Variants in DUSP22 observed in about 807,000 individuals in gnomAD.
DUSP22 encodes the protein dual specificity phosphatase 22.
In DUSP22, 24 loss-of-function variants were observed where a neutral mutation model predicts 24.5. The ratio of observed to expected loss-of-function variants is 0.98; its 90% CI spans 0.71 to 1.38. The LOEUF (loss-of-function observed/expected upper bound fraction) is 1.38, where lower values mean the gene tolerates loss of function less well. Ranked by LOEUF, DUSP22 falls within the 40% of genes most tolerant of loss-of-function variation. The probability of loss-of-function intolerance (pLI) is 0.00; values close to 1 mark genes in which losing one functional copy is unlikely to be tolerated. For missense variants in DUSP22, 330 were observed against 269.2 expected (o/e 1.23, Z -1.58); for synonymous variants, 160 against 106.4 (o/e 1.50, Z -3.10).
At chr6:307,237 G>A (rs878857034) in intron 2 of DUSP22, among the ~76,000 whole-genome samples, 4 of 152,414 alleles carry the variant, frequency 2.6e-5, no homozygotes, top group South Asian at 2.1e-4. Flanking sequence ...AGAAAGGAAC[G>A]TAAACAGTCA....
In DUSP22 at chr6:348,918, G is replaced by A. The variant is rs762046230; in HGVS notation, c.585G>A (p.Pro195=). Residue 195 remains proline, a synonymous_variant, in exon 7 of 7, where the codon CCG becomes CCA. Coordinates refer to ENST00000419235, the MANE Select transcript of DUSP22 (RefSeq NM_001286555.3). ...GGAGCAGTTTTCCGGCACTGGCTCC[G>A]CTGACCTACGATAATTATACGACGG... The part of the protein sequence containing the change: ...RRWSSFPALA[P]LTYDNYTTET 8.1e-6 allele frequency: 13 copies of A among 1,611,416 alleles called. No homozygotes were observed. Among genetic ancestry groups the A allele is most frequent in the African/African-American group, 5.3e-5 (4 of 74,916 alleles).
intron 1 of DUSP22, among the ~76,000 whole-genome samples, chr6:302,765 TG>T (rs1757642898): frequency 6.6e-6 from 1 of 152,304 alleles, no homozygotes; most frequent in African/African-American, 2.4e-5. Flanking sequence ...TCCTGACACT[TG>T]GTTAAGCCAG....
chr6:294,093 A>G (rs1319483479), intron 1 of DUSP22, among the ~76,000 whole-genome samples: 1 of 152,296 alleles, frequency 6.6e-6, no homozygotes, highest in Non-Finnish European at 1.5e-5. Flanking sequence ...GTGTAATACA[A>G]TTCAAAAAAT....
At position 349,441 on chromosome 6, in the gene DUSP22, G is replaced by A; in HGVS notation, c.*490G>A. 9.9e-7 allele frequency: 1 copy of A among 1,007,648 alleles called. No individual in the cohort carries two copies. Among genetic ancestry groups the A allele is most frequent in the East Asian group, 1.1e-4 (1 of 9,490 alleles). The allele number at this position is 1,007,648 out of a possible 1,614,324, so 62.4% of individuals were successfully genotyped here. Reference sequence around the variant, plus strand: ...CTTTGTCCAAGACTCCACATGGAAGGCATTTGAGCTCGACCTCCGAAAAGC... The same window carrying A: ...CTTTGTCCAAGACTCCACATGGAAGACATTTGAGCTCGACCTCCGAAAAGC... On this transcript the variant is annotated 3_prime_UTR_variant, in exon 7 of 7. Coordinates refer to ENST00000419235, the MANE Select transcript of DUSP22 (RefSeq NM_001286555.3).
intron 1 of DUSP22, among the ~76,000 whole-genome samples, chr6:297,273 T>C (rs992920924): frequency 1.3e-5 from 2 of 152,304 alleles, no homozygotes; most frequent in Non-Finnish European, 2.9e-5. Context: ...CTTCCCCAAT[T>C]ACTAATTGGG....
chr6:343,165 C>A (rs1759689704), intron 4 of DUSP22, among the ~76,000 whole-genome samples: 2 of 152,308 alleles, frequency 1.3e-5, no homozygotes, highest in Admixed American at 6.5e-5. Context: ...TACCAAGCCA[C>A]CTTATTACAT....
intron 3 of DUSP22, among the ~76,000 whole-genome samples, chr6:327,245 ATCTTTGCCTTG>A (rs1758922424): frequency 6.6e-6 from 1 of 152,304 alleles, no homozygotes; most frequent in African/African-American, 2.4e-5. Flanking sequence ...AATGCCCAGC[ATCTTTGCCTTG>A]TCTTTGCCTG....
At position 350,468 on chromosome 6, in the gene DUSP22, G is replaced by C; in HGVS notation, c.*1517G>C. On this transcript the variant is annotated 3_prime_UTR_variant, in exon 7 of 7. Transcript: ENST00000419235. ...TTCTCTGAATTCCACCACAAAAAGA[G>C]ACCCTGAATAAGAAGAGCAGTTTTC... The C allele has an allele frequency of 1.7e-6, 2 of 1,160,416 alleles. No homozygotes were observed. The highest frequency in any genetic ancestry group is 4.6e-5 in the South Asian group (2 of 43,786). 71.9% of individuals were successfully genotyped at this position (1,160,416 alleles called of 1,614,324 possible).
intron 3 of DUSP22, chr6:320,126 T>C (rs1003645895): frequency 5.2e-5 from 8 of 152,498 alleles, no homozygotes; most frequent in African/African-American, 1.9e-4. Context: ...CTTAACTGAG[T>C]CTAGGGAGGA....
intron 2 of DUSP22, 74 bp downstream of exon 2, chr6:304,735 T>G: frequency 6.3e-7 from 1 of 1,594,992 alleles, no homozygotes; most frequent in Non-Finnish European, 8.6e-7. Flanking sequence ...CATTTTAAAG[T>G]GTATAGGTCA....
intron 1 of DUSP22, among the ~76,000 whole-genome samples, chr6:303,283 G>A (rs889035835): frequency 2.6e-5 from 4 of 152,310 alleles, no homozygotes; most frequent in South Asian, 2.1e-4. Context: ...CTGTTGTCTC[G>A]GAGTAATGAT....
intron 4 of DUSP22, among the ~76,000 whole-genome samples, chr6:339,723 A>G (rs1396447929): frequency 3.9e-5 from 6 of 152,312 alleles, no homozygotes; most frequent in African/African-American, 9.6e-5. Flanking sequence ...CAGAGAGCCT[A>G]TATTGAAAAC....
rs1475070986 is a variant in DUSP22, at chr6:349,114, G to T, written c.*163G>T. 4.8e-6 allele frequency: 7 copies of T among 1,444,800 alleles called. No individual in the cohort carries two copies. Among genetic ancestry groups the T allele is most frequent in the South Asian group, 3.0e-5 (2 of 67,616 alleles). The allele number at this position is 1,444,800 out of a possible 1,614,324, so 89.5% of individuals were successfully genotyped here. A position where few individuals can be genotyped will look rare whatever the true frequency, so the allele number is the denominator to read the frequency against. ...GCAACACCGCCCAGCCCTGCTCCAG[G>T]CCCCTGCACTCCGCCCACCCCTACC... On this transcript the variant is annotated 3_prime_UTR_variant, in exon 7 of 7. Transcript: ENST00000419235.
At chr6:327,910 T>G (rs1385370914) in intron 3 of DUSP22, among the ~76,000 whole-genome samples, 4 of 152,408 alleles carry the variant, frequency 2.6e-5, no homozygotes, top group African/African-American at 4.8e-5. Context: ...GGAGAGATCA[T>G]GGATGTGAGG....
chr6:335,054 C>G (rs1169754106), intron 3 of DUSP22, 60 bp from the exon 4 acceptor site: 3 of 1,571,410 alleles, frequency 1.9e-6, no homozygotes, highest in African/African-American at 2.7e-5. Flanking sequence ...TCCTTAAATA[C>G]TTTTCTCCAC....
At chr6:311,065 A>C (rs1758062643) in intron 2 of DUSP22, among the ~76,000 whole-genome samples, 1 of 152,310 alleles carries the variant, frequency 6.6e-6, no homozygotes, top group Non-Finnish European at 1.5e-5. Flanking sequence ...GTTTTTAAAG[A>C]AAAAAAGACG....
intron 5 of DUSP22, among the ~76,000 whole-genome samples, chr6:347,113 A>G (rs936765669): frequency 4.3e-4 from 65 of 152,388 alleles, no homozygotes; most frequent in African/African-American, 1.5e-3. Context: ...GGAGCCAATT[A>G]AAGCGGAATT....
At chr6:292,695 C>CGCCTGGGCGGCGG in intron 1 of DUSP22, 135 bp downstream of exon 1, 1 of 157,698 alleles carries the variant, frequency 6.3e-6, no homozygotes, top group Non-Finnish European at 7.7e-6. Flanking sequence ...GGAGGGGCGG[C>CGCCTGGGCGGCGG]GCGCCTGGGC....
rs1448752466 is a variant in DUSP22, at chr6:348,687, G to A, written c.436-82G>A. The stretch of plus-strand genomic sequence containing the variant: ...TGGTTATGTGTGGCACCATCTCTGT[G>A]GTGAAGTCACAGGTGCAAGCCCACG... On this transcript the variant is annotated intron_variant, in intron 6 of 6. Coordinates refer to ENST00000419235, the MANE Select transcript of DUSP22 (RefSeq NM_001286555.3). 5 of 1,582,052 alleles carry A rather than the reference G, an allele frequency of 3.2e-6. No homozygotes were observed. The African/African-American group carries it at 4.0e-5, about 13-fold the overall frequency.
Sources: allele counts gnomAD v4.1 joint callset (sites outside exome capture counted in the v4.1 genomes callset), GRCh38; gene constraint gnomAD v4.1.1; transcripts MANE v1.5; gene names NCBI Gene and HGNC (gene_info 2026-07-23, HGNC 2026-07-21).